The following PHLPP2 variants were observed in gnomAD, a reference collection of about 807,000 sequenced individuals.
The protein encoded by PHLPP2 is PH domain leucine-rich repeat-containing protein phosphatase 2.
PHLPP2 carries 66 observed loss-of-function variants against 124.9 expected under a neutral mutation model. The observed-to-expected ratio is 0.53, with a 90% CI of 0.43 to 0.65. The LOEUF (loss-of-function observed/expected upper bound fraction) is 0.65. Among genes scored for constraint, PHLPP2 ranks in the 30% least tolerant of loss-of-function variants. The probability of loss-of-function intolerance (pLI) is 0.00; values close to 1 mark genes in which losing one functional copy is unlikely to be tolerated. For missense variants in PHLPP2, 1,685 were observed against 1,600.4 expected, an observed-to-expected ratio of 1.05 and a Z score of -0.90; for synonymous variants, 681 against 624.7, an observed-to-expected ratio of 1.09 and a Z score of -1.34.
intron 3 of PHLPP2, among the ~76,000 whole-genome samples, chr16:71,691,094 C>T (rs756793419): frequency 2.6e-5 from 4 of 152,172 alleles, no homozygotes; most frequent in Non-Finnish European, 5.9e-5. Flanking sequence ...TCTCATTACG[C>T]TTTACTTTAC....
chr16:71,699,703 C>T (rs1489199916), intron 3 of PHLPP2, among the ~76,000 whole-genome samples: 2 of 152,212 alleles, frequency 1.3e-5, no homozygotes, highest in African/African-American at 2.4e-5. Flanking sequence ...AGCCGCCCTA[C>T]GCAACAAGGC....
Position 71,702,734 on chromosome 16 carries a change from G to A in PHLPP2, c.285-3C>T. ...GTCGTTCAGTAGGTTCCAGTCTCCT[G>A]ATTACACAATTCAAAAAAATATATA... On this transcript the variant is annotated splice_polypyrimidine_tract_variant and splice_region_variant and intron_variant, in intron 2 of 18. Transcript: ENST00000568954. 1 of 1,575,032 alleles carries A rather than the reference G, an allele frequency of 6.3e-7. No individual in the cohort carries two copies. Among genetic ancestry groups the A allele is most frequent in the Non-Finnish European group, 8.6e-7 (1 of 1,158,142 alleles).
intron 2 of PHLPP2, among the ~76,000 whole-genome samples, chr16:71,709,038 T>C (rs2045305828): frequency 6.6e-6 from 1 of 152,170 alleles, no homozygotes. Context: ...CCATCAACTC[T>C]AATATATATG....
At chr16:71,663,482 A>G (rs1264732716) in intron 13 of PHLPP2, among the ~76,000 whole-genome samples, 1 of 152,214 alleles carries the variant, frequency 6.6e-6, no homozygotes, top group Non-Finnish European at 1.5e-5. Flanking sequence ...TTGACTATAC[A>G]TTCCTAGAGG....
rs190746627 is a variant in PHLPP2 at position 71,658,948 on chromosome 16, C to G, written c.1986-133G>C. On this transcript the variant is annotated intron_variant, in intron 13 of 18. Transcript: ENST00000568954. ...CCAGATGACTGGTGAGAAATGAAAC[C>G]GATACCAGGAATACCAGGAAAGGCA... is the stretch of plus-strand genomic sequence containing the variant. 411 of 748,306 alleles carry G rather than the reference C, an allele frequency of 5.5e-4. 1 individual carries two copies. The highest frequency in any genetic ancestry group is 8.3e-4 in the Non-Finnish European group (373 of 448,008). 46.4% of individuals were successfully genotyped at this position (748,306 alleles called of 1,614,324 possible).
At chr16:71,650,169 G>T in intron 18 of PHLPP2, 125 bp from the exon 19 acceptor site, 1 of 683,896 alleles carries the variant, frequency 1.5e-6, no homozygotes, top group East Asian at 2.7e-5. Context: ...CTATGGATTA[G>T]TATAATTTTA....
chr16:71,686,045 G>A (rs956308391), intron 4 of PHLPP2, among the ~76,000 whole-genome samples: 26 of 152,208 alleles, frequency 1.7e-4, no homozygotes, highest in Non-Finnish European at 4.4e-5. Flanking sequence ...GGTGGAGGCT[G>A]CAGTGAGCTG....
At chr16:71,684,945 C>A (rs1047289743) in intron 4 of PHLPP2, among the ~76,000 whole-genome samples, 1 of 152,192 alleles carries the variant, frequency 6.6e-6, no homozygotes, top group East Asian at 1.9e-4. Flanking sequence ...CAATTCAAAT[C>A]TCTTTACTAG....
rs150297121 is a variant in PHLPP2 at position 71,702,636 on chromosome 16, G to A, written c.380C>T (p.Thr127Ile). The change falls in exon 3 of 19, where the codon ACA becomes ATA. Residue 127 changes from threonine (T) to isoleucine (I), a missense_variant. Physicochemically the swap from Thr to Ile is moderately conservative, Grantham distance 89. Transcript: ENST00000568954. ...AATCATACAGCCGAGGTCAGGATTT[G>A]TAGCCTCCTCCTGTATGCGCACAGG... ...DDPVRIQEEA[T>I]NPDLGCMIRF... is the part of the protein sequence containing the mutation. The A allele has an allele frequency of 6.2e-6, 10 of 1,610,984 alleles. No homozygotes were observed. The African/African-American group carries it at 1.3e-4, about 22-fold the overall frequency.
intron 9 of PHLPP2, among the ~76,000 whole-genome samples, chr16:71,675,494 C>T (rs552964830): frequency 5.3e-5 from 8 of 152,186 alleles, no homozygotes; most frequent in Non-Finnish European, 1.2e-4. Flanking sequence ...TTTTAAACCA[C>T]GAATTGGCAA....
chr16:71,658,929 G>T, intron 13 of PHLPP2, 114 bp from the exon 14 acceptor site: 2 of 867,392 alleles, frequency 2.3e-6, no homozygotes, highest in Admixed American at 2.3e-5. Context: ...ACTGCCAGAT[G>T]ACTGGTGAGA....
chr16:71,644,982 A>G lies in PHLPP2; in HGVS notation c.*3908T>C, dbSNP rs1197533711. On this transcript the variant is annotated 3_prime_UTR_variant, in exon 19 of 19. Coordinates refer to ENST00000568954, the MANE Select transcript of PHLPP2 (RefSeq NM_015020.3). ...TATTTTATTTATTATTGTTATTGTT[A>G]TTTTTACAAACAATAGATTTGCTGC... The G allele has an allele frequency of 1.0e-5, 3 of 290,610 alleles. No individual in the cohort carries two copies. Among genetic ancestry groups the G allele is most frequent in the Non-Finnish European group, 2.0e-5 (3 of 147,576 alleles). The allele number at this position is 290,610 out of a possible 1,614,324, so 18.0% of individuals were successfully genotyped here.
At chr16:71,658,593 T>C in intron 14 of PHLPP2, 60 bp downstream of exon 14, 1 of 1,500,470 alleles carries the variant, frequency 6.7e-7, no homozygotes, top group Non-Finnish European at 9.1e-7. Context: ...AGGAAAATAA[T>C]GTCATTCACT....
chr16:71,685,361 A>G (rs1416765831), intron 4 of PHLPP2, among the ~76,000 whole-genome samples: 3 of 152,144 alleles, frequency 2.0e-5, no homozygotes, highest in Admixed American at 6.6e-5. Flanking sequence ...AAATTCCAAC[A>G]ACTCAACCTA....
At chr16:71,710,359 T>C (rs994373872) in intron 2 of PHLPP2, among the ~76,000 whole-genome samples, 8 of 152,330 alleles carry the variant, frequency 5.3e-5, no homozygotes, top group Middle Eastern at 3.4e-3. Flanking sequence ...TCTTGAGTTA[T>C]AGTCAAGTGA....
At chr16:71,673,109 T>C (rs1403530588) in intron 9 of PHLPP2, among the ~76,000 whole-genome samples, 1 of 152,234 alleles carries the variant, frequency 6.6e-6, no homozygotes, top group African/African-American at 2.4e-5. Context: ...CATTTTAGAG[T>C]TGATGACATG....
intron 17 of PHLPP2, 139 bp downstream of exon 17, chr16:71,655,101 G>T: frequency 1.5e-6 from 1 of 650,494 alleles, no homozygotes; most frequent in Non-Finnish European, 2.8e-6. Context: ...TGCTCATATA[G>T]AGAATGATCA....
At chr16:71,712,625 C>A (rs180704080) in intron 2 of PHLPP2, among the ~76,000 whole-genome samples, 14 of 152,320 alleles carry the variant, frequency 9.2e-5, no homozygotes, top group Admixed American at 9.1e-4. Flanking sequence ...ATCACCCAGT[C>A]TGATCCTTTC....
chr16:71,648,968 G>C lies in PHLPP2; in HGVS notation c.3894C>G (p.His1298Gln). 1 of 1,614,010 alleles carries C rather than the reference G, an allele frequency of 6.2e-7. No individual in the cohort carries two copies. ...GCTCAGGCTCGAGCCGGCTGTCCTG[G>C]TGCTGTTTCATTTGTTCCTTCACTT... Reference protein sequence around the residue: ...EEEVKEQMKQHQDSRLEPEPH... With the variant: ...EEEVKEQMKQQQDSRLEPEPH... The change falls in exon 19 of 19, where the codon CAC (histidine) becomes CAG (glutamine). Residue 1298 changes from histidine (H) to glutamine (Q), a missense_variant. Coordinates refer to ENST00000568954, the MANE Select transcript of PHLPP2 (RefSeq NM_015020.3).
Sources: allele counts gnomAD v4.1 joint callset (sites outside exome capture counted in the v4.1 genomes callset), GRCh38; gene constraint gnomAD v4.1.1; transcripts MANE v1.5; gene names NCBI Gene and HGNC (gene_info 2026-07-23, HGNC 2026-07-21).